DPP10: variants seen among roughly 807,000 people sequenced by gnomAD.
DPP10 encodes the protein dipeptidyl peptidase like 10.
DPP10 carries 33 observed loss-of-function variants against 120.9 expected under a neutral mutation model. The ratio of observed to expected loss-of-function variants is 0.27; its 90% confidence interval spans 0.21 to 0.37. The LOEUF (loss-of-function observed/expected upper bound fraction) is 0.37. Among genes scored for constraint, DPP10 ranks in the 10% least tolerant of loss-of-function variants. The pLI, the probability that DPP10 is intolerant of heterozygous loss-of-function variation, is 1.00. For missense variants in DPP10, 816 were observed against 942.8 expected (o/e 0.87, Z 1.76); for synonymous variants, 337 against 326.1 (o/e 1.03, Z -0.36).
chr2:114,543,037 G>C (rs549224367), intron 1 of DPP10, among the ~76,000 whole-genome samples: 1 of 152,160 alleles, frequency 6.6e-6, no homozygotes, highest in Admixed American at 6.5e-5. Flanking sequence ...TTTAAATTAC[G>C]TTTTCACCAC....
At chr2:114,969,232 A>G (rs1699236701) in intron 1 of DPP10, among the ~76,000 whole-genome samples, 1 of 152,190 alleles carries the variant, frequency 6.6e-6, no homozygotes. Flanking sequence ...GAATTATTAC[A>G]GTAAATGTGT....
At chr2:115,564,720 A>G (rs540196831) in intron 5 of DPP10, among the ~76,000 whole-genome samples, 1 of 152,356 alleles carries the variant, frequency 6.6e-6, no homozygotes, top group South Asian at 2.1e-4. Context: ...AAAATACATC[A>G]GATGGTAAAA....
chr2:115,520,095 G>T (rs947143379), intron 4 of DPP10, among the ~76,000 whole-genome samples: 1 of 152,102 alleles, frequency 6.6e-6, no homozygotes, highest in Admixed American at 6.5e-5. Flanking sequence ...AAGGCAGGTG[G>T]ATCATGAGGT....
intron 1 of DPP10, among the ~76,000 whole-genome samples, chr2:115,024,634 T>G (rs935622255): frequency 1.3e-5 from 2 of 150,340 alleles, no homozygotes; most frequent in Admixed American, 6.7e-5. Context: ...TGTATATATG[T>G]ACATATACAT....
chr2:114,697,749 C>CAAAA (rs1205351658), intron 1 of DPP10, among the ~76,000 whole-genome samples: 2 of 89,062 alleles, frequency 2.2e-5, no homozygotes, highest in Non-Finnish European at 2.2e-5. Flanking sequence ...GACTCTGTCT[C>CAAAA]AAAAAAAAAA....
intron 1 of DPP10, among the ~76,000 whole-genome samples, chr2:114,898,775 C>G (rs1167883964): frequency 6.6e-6 from 1 of 152,154 alleles, no homozygotes; most frequent in Non-Finnish European, 1.5e-5. Flanking sequence ...TTGCTTTTAA[C>G]CATTTTCTCC....
intron 21 of DPP10, among the ~76,000 whole-genome samples, chr2:115,817,967 A>G (rs115278164): frequency 6.6e-6 from 1 of 152,318 alleles, no homozygotes; most frequent in Non-Finnish European, 1.5e-5. Context: ...TAATGGATAT[A>G]TAATAATGGC....
intron 19 of DPP10, among the ~76,000 whole-genome samples, chr2:115,812,157 A>G: frequency 6.6e-6 from 1 of 152,200 alleles, no homozygotes; most frequent in East Asian, 1.9e-4. Context: ...TTGGTAGTAA[A>G]GTTGAGATTC....
rs140182477 is a variant in DPP10, at chr2:114,541,198, A to G, written c.60+98360A>G. On this transcript the variant is annotated intron_variant, in intron 1 of 25. Coordinates refer to ENST00000410059, the MANE Select transcript of DPP10 (RefSeq NM_020868.6). ...CTCTGTATTTTTGTTTTAAATGTAC[A>G]GGAATCTCTTCTAAAGTTCAGATAT... Among the ~76,000 whole-genome samples the G allele has an allele frequency of 5.5e-4, 84 of 152,318 alleles. No individual in the cohort carries two copies. The East Asian group carries it at 0.013, about 23-fold the overall frequency.
At chr2:115,834,478 T>C (rs989064383) in intron 21 of DPP10, among the ~76,000 whole-genome samples, 2 of 151,480 alleles carry the variant, frequency 1.3e-5, no homozygotes, top group South Asian at 4.2e-4. Context: ...GAAAATTAAT[T>C]TCTAAAACAG....
At chr2:114,615,182 T>C (rs1693586185) in intron 1 of DPP10, among the ~76,000 whole-genome samples, 1 of 152,166 alleles carries the variant, frequency 6.6e-6, no homozygotes, top group Non-Finnish European at 1.5e-5. Context: ...TGTTTTATTT[T>C]CTAAGTAAAG....
chr2:115,286,104 C>CA (rs2060353132), intron 1 of DPP10, among the ~76,000 whole-genome samples: 1 of 151,786 alleles, frequency 6.6e-6, no homozygotes, highest in Non-Finnish European at 1.5e-5. Flanking sequence ...CAGGAGGAAA[C>CA]AGACTCAGTG....
chr2:115,705,725 T>C (rs1304232606), intron 7 of DPP10, among the ~76,000 whole-genome samples: 2 of 151,942 alleles, frequency 1.3e-5, no homozygotes, highest in Non-Finnish European at 2.9e-5. Context: ...CTCATTCATC[T>C]TCATTAGTGA....
At chr2:115,808,940 T>A (rs1207015702) in intron 19 of DPP10, among the ~76,000 whole-genome samples, 1 of 152,136 alleles carries the variant, frequency 6.6e-6, no homozygotes. Flanking sequence ...CTTGATCGAA[T>A]CAACTGCTTT....
At chr2:115,303,509 G>T (rs919415016) in intron 1 of DPP10, among the ~76,000 whole-genome samples, 1 of 151,512 alleles carries the variant, frequency 6.6e-6, no homozygotes, top group South Asian at 2.1e-4. Context: ...TCTAGATTTT[G>T]TATAGTTACA....
At chr2:114,882,131 G>A (rs1691693935) in intron 1 of DPP10, among the ~76,000 whole-genome samples, 2 of 151,954 alleles carry the variant, frequency 1.3e-5, no homozygotes, top group South Asian at 4.1e-4. Flanking sequence ...TAAAATGAAT[G>A]CCATTTGATC....
chr2:115,472,172 T>G (rs2074771447), intron 3 of DPP10, among the ~76,000 whole-genome samples: 1 of 152,178 alleles, frequency 6.6e-6, no homozygotes, highest in Non-Finnish European at 1.5e-5. Flanking sequence ...TTAAATCATT[T>G]ACTCATTCTG....
chr2:114,945,788 C>T (rs534730413), intron 1 of DPP10, among the ~76,000 whole-genome samples: 1 of 152,240 alleles, frequency 6.6e-6, no homozygotes, highest in South Asian at 2.1e-4. Context: ...TGCACTCCAG[C>T]CTGGGCAACA....
chr2:115,055,523 T>A (rs1705831765), intron 1 of DPP10, among the ~76,000 whole-genome samples: 2 of 152,220 alleles, frequency 1.3e-5, no homozygotes. Flanking sequence ...TTCTTTATAC[T>A]TGAAATTCTA....
Sources: gnomAD v4.1 joint callset for allele counts (sites outside exome capture counted in the v4.1 genomes callset) on GRCh38, gnomAD v4.1.1 for gene constraint, MANE v1.5 for transcripts, NCBI Gene and HGNC (gene_info 2026-07-23, HGNC 2026-07-21) for gene names.